Variants in CPQ observed in about 807,000 individuals in gnomAD.
CPQ encodes carboxypeptidase Q.
Under a neutral mutation model 45.7 loss-of-function variants are expected in CPQ, and 37 were observed. That is an observed-to-expected ratio of 0.81 (90% CI 0.62 to 1.07). The LOEUF (loss-of-function observed/expected upper bound fraction) is 1.07, where lower values mean the gene tolerates loss of function less well. Ranked by LOEUF, CPQ falls within the 50% of genes least tolerant of loss-of-function variation. The pLI is 0.00. For missense variants in CPQ, 537 were observed against 572.9 expected (o/e 0.94, Z 0.64); for synonymous variants, 186 against 205.8 (o/e 0.90, Z 0.82).
In CPQ at chr8:96,832,324, G is replaced by A. The variant is rs575292626; in HGVS notation, c.434-2649G>A. ...AGGTGTAAGGGAATCAGACTGCTGAGTTCCTATGGGAGAAGGGCTATCAAA... is the reference window on the plus strand; with the variant it reads ...AGGTGTAAGGGAATCAGACTGCTGAATTCCTATGGGAGAAGGGCTATCAAA... On this transcript the variant is annotated intron_variant, in intron 2 of 7. Transcript: ENST00000220763. Among the ~76,000 whole-genome samples, 269 of 152,130 alleles carry A rather than the reference G, an allele frequency of 1.8e-3. 1 individual carries two copies. The highest frequency in any genetic ancestry group is 3.0e-3 in the Non-Finnish European group (207 of 68,034).
intron 4 of CPQ, among the ~76,000 whole-genome samples, chr8:96,923,374 G>A (rs921632969): frequency 6.6e-6 from 1 of 152,078 alleles, no homozygotes; most frequent in Non-Finnish European, 1.5e-5. Context: ...TCCTACACTG[G>A]CATATCTTTC....
At chr8:96,841,225 C>T (rs912451316) in intron 3 of CPQ, among the ~76,000 whole-genome samples, 1 of 152,084 alleles carries the variant, frequency 6.6e-6, no homozygotes, top group Admixed American at 6.6e-5. Flanking sequence ...GTAAGATAGT[C>T]CCATTAATCT....
intron 7 of CPQ, among the ~76,000 whole-genome samples, chr8:97,075,325 A>G (rs1009923616): frequency 6.6e-6 from 1 of 152,164 alleles, no homozygotes; most frequent in Non-Finnish European, 1.5e-5. Flanking sequence ...GGGTCTCAAG[A>G]TTAGCTCTTC....
At chr8:96,844,569 G>A (rs1811658943) in intron 3 of CPQ, among the ~76,000 whole-genome samples, 1 of 152,188 alleles carries the variant, frequency 6.6e-6, no homozygotes, top group African/African-American at 2.4e-5. Flanking sequence ...TTACCTCATA[G>A]AGTTGTTGAG....
At chr8:96,940,385 C>A (rs768958656) in intron 4 of CPQ, among the ~76,000 whole-genome samples, 1 of 152,160 alleles carries the variant, frequency 6.6e-6, no homozygotes, top group Non-Finnish European at 1.5e-5. Flanking sequence ...CCAAATTTGA[C>A]TTTAACAGCA....
chr8:97,044,335 CAGCTCCTTTA>C (rs1462247218), intron 6 of CPQ, among the ~76,000 whole-genome samples: 28 of 152,332 alleles, frequency 1.8e-4, no homozygotes, highest in African/African-American at 6.7e-4. Flanking sequence ...TCAGCTCCAT[CAGCTCCTTTA>C]AGCACTTCTC....
At chr8:96,918,692 C>T (rs1006357052) in intron 4 of CPQ, among the ~76,000 whole-genome samples, 1 of 152,012 alleles carries the variant, frequency 6.6e-6, no homozygotes, top group Non-Finnish European at 1.5e-5. Context: ...CATTTCACCT[C>T]CTTGTTCTTA....
chr8:96,935,644 A>G (rs1326309876), intron 4 of CPQ, among the ~76,000 whole-genome samples: 3 of 152,152 alleles, frequency 2.0e-5, no homozygotes, highest in Non-Finnish European at 2.9e-5. Flanking sequence ...TTTGTGAAGG[A>G]CTGTACGTGT....
chr8:97,102,513 T>C (rs570191794), intron 7 of CPQ, among the ~76,000 whole-genome samples: 40 of 152,314 alleles, frequency 2.6e-4, no homozygotes, highest in African/African-American at 8.7e-4. Context: ...CTTACCTTCT[T>C]TTACTCGCAG....
At chr8:96,747,159 T>C (rs1401606632) in intron 1 of CPQ, among the ~76,000 whole-genome samples, 1 of 151,920 alleles carries the variant, frequency 6.6e-6, no homozygotes, top group Non-Finnish European at 1.5e-5. Context: ...GGCATGGTGG[T>C]GCACACCTGT....
At chr8:96,658,577 A>G (rs1815663517) in intron 1 of CPQ, among the ~76,000 whole-genome samples, 1 of 152,276 alleles carries the variant, frequency 6.6e-6, no homozygotes, top group Non-Finnish European at 1.5e-5. Flanking sequence ...GGTTGCAGAT[A>G]GAATTAACAT....
intron 1 of CPQ, among the ~76,000 whole-genome samples, chr8:96,662,357 G>A (rs1815710181): frequency 6.6e-6 from 1 of 151,498 alleles, no homozygotes. Context: ...TAATAAAATG[G>A]GGGGCAAAGT....
chr8:96,840,804 T>C (rs1811595755), intron 3 of CPQ, among the ~76,000 whole-genome samples: 1 of 152,162 alleles, frequency 6.6e-6, no homozygotes, highest in African/African-American at 2.4e-5. Flanking sequence ...TCCAAGTTGA[T>C]AGGCAAGGAT....
At chr8:97,042,780 A>G (rs1810153715) in intron 6 of CPQ, among the ~76,000 whole-genome samples, 1 of 151,860 alleles carries the variant, frequency 6.6e-6, no homozygotes, top group Non-Finnish European at 1.5e-5. Flanking sequence ...TTCAGTTTCC[A>G]TGTAGTTGAG....
chr8:96,714,600 T>C (rs775949541), intron 1 of CPQ, among the ~76,000 whole-genome samples: 25 of 152,048 alleles, frequency 1.6e-4, no homozygotes, highest in Non-Finnish European at 3.4e-4. Context: ...TCTCCTCAAG[T>C]AGCTTAATAA....
At chr8:96,788,031 A>T (rs1344380327) in intron 2 of CPQ, among the ~76,000 whole-genome samples, 1 of 150,590 alleles carries the variant, frequency 6.6e-6, no homozygotes, top group Non-Finnish European at 1.5e-5. Context: ...TAGACATGAG[A>T]TTCTTAGTTG....
intron 1 of CPQ, among the ~76,000 whole-genome samples, chr8:96,753,684 G>T (rs1436825165): frequency 6.6e-6 from 1 of 151,716 alleles, no homozygotes; most frequent in Non-Finnish European, 1.5e-5. Context: ...TATTGATTTT[G>T]GTTCTTTTTG....
intron 2 of CPQ, among the ~76,000 whole-genome samples, chr8:96,817,145 G>A (rs1429328899): frequency 2.6e-5 from 4 of 152,256 alleles, no homozygotes; most frequent in South Asian, 4.1e-4. Flanking sequence ...TGTCTACATT[G>A]AAAATCTGTT....
In CPQ at chr8:96,712,061, A is replaced by G. The variant is rs572276412; in HGVS notation, c.-35+66659A>G. On this transcript the variant is annotated intron_variant, in intron 1 of 7. Coordinates refer to ENST00000220763, the MANE Select transcript of CPQ (RefSeq NM_016134.4). ...AAATTGACCAAAACAAAGGGGATACAACCCCTTTCAAGTCTGAAATCTAAT... is the reference window on the plus strand; with the variant it reads ...AAATTGACCAAAACAAAGGGGATACGACCCCTTTCAAGTCTGAAATCTAAT... Among the ~76,000 whole-genome samples the G allele has an allele frequency of 3.9e-5, 6 of 152,332 alleles. No individual in the cohort carries two copies. The South Asian group carries it at 1.2e-3, about 32-fold the overall frequency.
Sources: allele counts gnomAD v4.1 joint callset (sites outside exome capture counted in the v4.1 genomes callset), GRCh38; gene constraint gnomAD v4.1.1; transcripts MANE v1.5; gene names NCBI Gene and HGNC (gene_info 2026-07-23, HGNC 2026-07-21).